CYP7A1: variants seen among roughly 807,000 people sequenced by gnomAD.
CYP7A1 encodes the protein cytochrome P450 7A1.
CYP7A1 carries 28 observed loss-of-function variants against 43.8 expected under a neutral mutation model. The ratio of observed to expected loss-of-function variants is 0.64; its 90% CI spans 0.47 to 0.88. The LOEUF is 0.88. Ranked by LOEUF, CYP7A1 falls within the 40% of genes least tolerant of loss-of-function variation. The pLI is 0.00. For missense variants in CYP7A1, 637 were observed against 611.9 expected (o/e 1.04, Z -0.43); for synonymous variants, 227 against 222.5 (o/e 1.02, Z -0.18).
Position 58,498,386 on chromosome 8 carries a change from A to G in CYP7A1, c.164T>C (p.Phe55Ser). The G allele has an allele frequency of 6.2e-7, 1 of 1,614,138 alleles. No homozygotes were observed. Among genetic ancestry groups the G allele is most frequent in the Non-Finnish European group, 8.5e-7 (1 of 1,179,998 alleles). Residue 55 changes from phenylalanine (F) to serine (S), a missense_variant, in exon 2 of 6, where the codon TTC (phenylalanine) becomes TCC (serine). Phe to Ser is a radical substitution (Grantham distance 155). Transcript: ENST00000301645. ...ALQFGANPLE[F>S]LRANQRKHGH... is the part of the protein sequence containing the mutation. Reference sequence around the variant, plus strand: ...ATGTTTCCTTTGATTTGCTCTGAGGAACTCAAGAGGATTGGCACCAAATTG... The same window carrying G: ...ATGTTTCCTTTGATTTGCTCTGAGGGACTCAAGAGGATTGGCACCAAATTG...
chr8:58,496,791 T>C lies in CYP7A1; in HGVS notation c.721A>G (p.Ser241Gly). ...TTTTGGAGGTTCTCGTGCCTCAAGC[T>C]CTCTGCCAGTTTCTCCCGGGCATTG... Reference protein sequence around the residue: ...AHNAREKLAESLRHENLQKRE... With the variant: ...AHNAREKLAEGLRHENLQKRE... The change falls in exon 3 of 6, where the codon AGC (serine) becomes GGC (glycine). Residue 241 changes from serine (S) to glycine (G), a missense_variant. Physicochemically the swap from Ser to Gly is moderately conservative, Grantham distance 56. Coordinates refer to ENST00000301645, the MANE Select transcript of CYP7A1 (RefSeq NM_000780.4). 1 of 1,614,218 alleles carries C rather than the reference T, an allele frequency of 6.2e-7. No homozygotes were observed. Among genetic ancestry groups the C allele is most frequent in the Non-Finnish European group, 8.5e-7 (1 of 1,180,040 alleles).
At chr8:58,494,086 C>T (rs1585642026) in intron 4 of CYP7A1, among the ~76,000 whole-genome samples, 1 of 152,182 alleles carries the variant, frequency 6.6e-6, no homozygotes, top group Admixed American at 6.5e-5. Context: ...AATCAAAGCA[C>T]TTTCAAATCC....
intron 1 of CYP7A1, among the ~76,000 whole-genome samples, chr8:58,498,918 A>G (rs921346173): frequency 4.6e-5 from 7 of 152,206 alleles, no homozygotes; most frequent in Non-Finnish European, 7.4e-5. Context: ...TGAATAAGGG[A>G]GGATTTCAGA....
intron 4 of CYP7A1, 65 bp from the exon 5 acceptor site, chr8:58,492,593 C>A: frequency 7.2e-7 from 1 of 1,380,854 alleles, no homozygotes; most frequent in Non-Finnish European, 1.0e-6. Context: ...AAGAGAAGAA[C>A]AAACCAAGTG....
rs1239157724 is a variant in CYP7A1 at position 58,491,610 on chromosome 8, C to T, written c.1380G>A (p.Leu460=). 1.2e-6 allele frequency: 2 copies of T among 1,614,186 alleles called. No individual in the cohort carries two copies. The highest frequency in any genetic ancestry group is 8.5e-7 in the Non-Finnish European group (1 of 1,180,028). The part of the protein sequence containing the change: ...AIHEIKQFLI[L]MLSYFELELI... ...GCTCCAATTCAAAATAAGAAAGCAT[C>T]AGAATCAAAAATTGCTTGATTTCGT... The change falls in exon 6 of 6, where the codon CTG becomes CTA. Residue 460 remains leucine (L), a synonymous_variant. Transcript: ENST00000301645.
At chr8:58,494,989 C>A in intron 3 of CYP7A1, among the ~76,000 whole-genome samples, 1 of 151,666 alleles carries the variant, frequency 6.6e-6, no homozygotes, top group East Asian at 2.0e-4. Flanking sequence ...CAAAAATCAG[C>A]CAGGCATGGC....
rs1407431942 is a variant in CYP7A1, at chr8:58,500,143, T to G, written c.-45A>C. On this transcript the variant is annotated 5_prime_UTR_variant, in exon 1 of 6. Transcript: ENST00000301645. Reference sequence around the variant, plus strand: ...ATCTCTGAGGAAGAAAATCTCTGATTAGAAAGGGAAGGATGCCACTGAAAA... The same window carrying G: ...ATCTCTGAGGAAGAAAATCTCTGATGAGAAAGGGAAGGATGCCACTGAAAA... 11 of 1,480,110 alleles carry G rather than the reference T, an allele frequency of 7.4e-6. No homozygotes were observed. Among genetic ancestry groups the G allele is most frequent in the Non-Finnish European group, 9.4e-6 (10 of 1,058,310 alleles). The allele number at this position is 1,480,110 out of a possible 1,614,324, so 91.7% of individuals were successfully genotyped here.
chr8:58,491,819 A>G (rs778901483), intron 5 of CYP7A1, 45 bp from the exon 6 acceptor site: 3 of 1,519,476 alleles, frequency 2.0e-6, no homozygotes, highest in Non-Finnish European at 2.7e-6. Context: ...CTAGTTTTAA[A>G]GAAATTTATC....
Position 58,491,733 on chromosome 8 carries a change from T to C in CYP7A1, c.1257A>G (p.Thr419=), listed in dbSNP as rs532694162. 28 of 1,613,772 alleles carry C rather than the reference T, an allele frequency of 1.7e-5. No homozygotes were observed. Among genetic ancestry groups the C allele is most frequent in the Non-Finnish European group, 2.4e-5 (28 of 1,179,750 alleles). The stretch of plus-strand genomic sequence containing the variant: ...GTCCATTACAATAGAAGGTAGTCTT[T>C]GTCTTCCCGTTTTCATCAAGATACC... ...YDRYLDENGK[T]KTTFYCNGLK... Residue 419 remains threonine, a synonymous_variant, in exon 6 of 6, where the codon ACA becomes ACG. Transcript: ENST00000301645.
At position 58,497,349 on chromosome 8, in the gene CYP7A1, C is replaced by G. The variant is rs150361268; in HGVS notation, c.322-159G>C. On this transcript the variant is annotated intron_variant, in intron 2 of 5. Coordinates refer to ENST00000301645, the MANE Select transcript of CYP7A1 (RefSeq NM_000780.4). Reference sequence around the variant, plus strand: ...TTCATAGCACTTTACAAATAAATGACCAAACTGTACCTTTCCTTTAAAGCC... The same window carrying G: ...TTCATAGCACTTTACAAATAAATGAGCAAACTGTACCTTTCCTTTAAAGCC... Among the ~76,000 whole-genome samples the G allele has an allele frequency of 1.6e-3, 241 of 152,288 alleles. 2 individuals are homozygous for G. Among genetic ancestry groups the G allele is most frequent in the African/African-American group, 5.5e-3 (228 of 41,560 alleles).
At position 58,496,874 on chromosome 8, in the gene CYP7A1, T is replaced by C. The variant is rs773285427; in HGVS notation, c.638A>G (p.Asp213Gly). The C allele has an allele frequency of 3.7e-6, 6 of 1,614,126 alleles. No homozygotes were observed. Among genetic ancestry groups the C allele is most frequent in the Non-Finnish European group, 5.1e-6 (6 of 1,180,054 alleles). Reference protein sequence around the residue: ...LNNLDNFKQFDKVFPALVAGL... With the variant: ...LNNLDNFKQFGKVFPALVAGL... ...TGCTACCAGGGCTGGAAAGACTTTG[T>C]CGAATTGCTTGAAGTTGTCAAGATT... is the stretch of plus-strand genomic sequence containing the variant. Residue 213 changes from aspartate to glycine, a missense_variant, in exon 3 of 6, where the codon GAC (aspartate) becomes GGC (glycine). By Grantham distance (94) the Asp-to-Gly change is moderately conservative (BLOSUM62 -1). Coordinates refer to ENST00000301645, the MANE Select transcript of CYP7A1 (RefSeq NM_000780.4).
chr8:58,491,821 A>G (rs1809357076), intron 5 of CYP7A1, 47 bp from the exon 6 acceptor site: 1 of 1,494,460 alleles, frequency 6.7e-7, no homozygotes, highest in African/African-American at 1.4e-5. Context: ...AGTTTTAAAG[A>G]AATTTATCTC....
Position 58,495,571 on chromosome 8 carries a change from C to A in CYP7A1, c.909-935G>T, listed in dbSNP as rs537432930. ...ATAAGTGTTTCTAACAAGGATTAAACATGTCTAGGGAGCTACATAACAAAA... is the reference window on the plus strand; with the variant it reads ...ATAAGTGTTTCTAACAAGGATTAAAAATGTCTAGGGAGCTACATAACAAAA... On this transcript the variant is annotated intron_variant, in intron 3 of 5. Transcript: ENST00000301645. 9.9e-5 allele frequency among the ~76,000 whole-genome samples: 15 copies of A among 152,280 alleles called. No homozygotes were observed. The South Asian group carries it at 2.9e-3, about 29-fold the overall frequency.
At chr8:58,496,359 TG>T (rs1391745782) in intron 3 of CYP7A1, among the ~76,000 whole-genome samples, 1 of 152,202 alleles carries the variant, frequency 6.6e-6, no homozygotes, top group Non-Finnish European at 1.5e-5. Context: ...CTCCGTGGCT[TG>T]GGGTGACATC....
At position 58,498,404 on chromosome 8, in the gene CYP7A1, C is replaced by A. The variant is rs180916341; in HGVS notation, c.146G>T (p.Gly49Val). ...TCTGAGGAACTCAAGAGGATTGGCA[C>A]CAAATTGCAGAGCACAGCCCAGGTA... Reference protein sequence around the residue: ...IPYLGCALQFGANPLEFLRAN... With the variant: ...IPYLGCALQFVANPLEFLRAN... Residue 49 changes from glycine to valine, a missense_variant, in exon 2 of 6, where the codon GGT becomes GTT. Transcript: ENST00000301645. 1 of 1,614,080 alleles carries A rather than the reference C, an allele frequency of 6.2e-7. No homozygotes were observed. Among genetic ancestry groups the A allele is most frequent in the Non-Finnish European group, 8.5e-7 (1 of 1,179,994 alleles).
rs1809352457 is a variant in CYP7A1 at position 58,491,640 on chromosome 8, A to C, written c.1350T>G (p.Ala450=). Residue 450 remains alanine, a synonymous_variant, in exon 6 of 6, where the codon GCT becomes GCG. Coordinates refer to ENST00000301645, the MANE Select transcript of CYP7A1 (RefSeq NM_000780.4). ...TCAAAAATTGCTTGATTTCGTGGAT[A>C]GCGAACAATCTTCCAGGACATATTG... ...GATICPGRLF[A]IHEIKQFLIL... 6.2e-7 allele frequency: 1 copy of C among 1,614,124 alleles called. No individual in the cohort carries two copies. The highest frequency in any genetic ancestry group is 1.3e-5 in the African/African-American group (1 of 74,946).
At chr8:58,495,063 G>A (rs1809417049) in intron 3 of CYP7A1, among the ~76,000 whole-genome samples, 1 of 151,268 alleles carries the variant, frequency 6.6e-6, no homozygotes, top group Non-Finnish European at 1.5e-5. Flanking sequence ...GAGCCCGGGA[G>A]GTGGAGGTTG....
chr8:58,492,429 T>C lies in CYP7A1; in HGVS notation c.1139A>G (p.Asn380Ser), dbSNP rs1809365271. ...FTLHLEDGSY[N>S]IRKDDIIALY... ...AGCTATGATGTCATCTTTTCGGATG[T>C]TGTAGGAACCGTCCTCAAGGTGCAA... The change falls in exon 5 of 6, where the codon AAC (asparagine) becomes AGC (serine). Residue 380 changes from asparagine to serine, a missense_variant. Asn to Ser is a conservative substitution (Grantham distance 46). Transcript: ENST00000301645. 1 of 1,613,930 alleles carries C rather than the reference T, an allele frequency of 6.2e-7. No homozygotes were observed. Among genetic ancestry groups the C allele is most frequent in the Non-Finnish European group, 8.5e-7 (1 of 1,179,930 alleles).
intron 3 of CYP7A1, among the ~76,000 whole-genome samples, chr8:58,495,470 C>T (rs566230391): frequency 3.9e-5 from 6 of 152,150 alleles, no homozygotes; most frequent in Middle Eastern, 3.4e-3. Context: ...CCTTGTGATC[C>T]GCCCGCCTCG....
Sources: gnomAD v4.1 joint callset for allele counts (sites outside exome capture counted in the v4.1 genomes callset) on GRCh38, gnomAD v4.1.1 for gene constraint, MANE v1.5 for transcripts, NCBI Gene and HGNC (gene_info 2026-07-23, HGNC 2026-07-21) for gene names.